Variants in ERCC4 observed in about 807,000 individuals in gnomAD.
ERCC4 encodes the protein ERCC excision repair 4, endonuclease catalytic subunit, also known as DNA repair endonuclease XPF.
ERCC4 carries 65 observed loss-of-function variants against 76.9 expected under a neutral mutation model. The observed-to-expected ratio is 0.84, with a 90% confidence interval of 0.69 to 1.04. The LOEUF is 1.04. ERCC4 is among the 50% of genes least tolerant of loss of function. The probability of loss-of-function intolerance (pLI) is 0.00; values close to 1 mark genes in which losing one functional copy is unlikely to be tolerated. For synonymous variants in ERCC4, 463 were observed against 410.1 expected, an observed-to-expected ratio of 1.13 and a Z score of -1.56; for missense variants, 1,214 against 1,128.2, an observed-to-expected ratio of 1.08 and a Z score of -1.09.
intron 9 of ERCC4, among the ~76,000 whole-genome samples, chr16:13,940,173 A>G (rs945745794): frequency 6.6e-6 from 1 of 152,076 alleles, no homozygotes; most frequent in Non-Finnish European, 1.5e-5. Flanking sequence ...GATCACTTGA[A>G]GTCAGGAGTT....
intron 6 of ERCC4, chr16:13,932,542 A>T (rs1487998723): frequency 1.2e-5 from 7 of 563,040 alleles, no homozygotes; most frequent in African/African-American, 1.1e-4. Flanking sequence ...ACAGATGTCA[A>T]ATATTGATCA....
chr16:13,949,318 C>G lies in ERCC4; in HGVS notation c.*971C>G, dbSNP rs2276466. 60,153 of 233,622 alleles carry G rather than the reference C, an allele frequency of 0.26. 8,117 individuals carry two copies. The highest frequency in any genetic ancestry group is 0.35 in the Middle Eastern group (275 of 788). 14.5% of individuals were successfully genotyped at this position (233,622 alleles called of 1,614,324 possible). ...ATATCCTAAGACACCAGCATCATATCCTCTAGAAATACAACCTAATTGGCA... is the reference window on the plus strand; with the variant it reads ...ATATCCTAAGACACCAGCATCATATGCTCTAGAAATACAACCTAATTGGCA... On this transcript the variant is annotated 3_prime_UTR_variant, in exon 11 of 11. Transcript: ENST00000311895.
At chr16:13,935,868 T>A (rs893417370) in intron 8 of ERCC4, 125 bp downstream of exon 8, 4 of 820,766 alleles carry the variant, frequency 4.9e-6, no homozygotes, top group Non-Finnish European at 8.3e-6. Flanking sequence ...TATGAAACCT[T>A]ATTTTGCTTC....
At chr16:13,939,099 A>G (rs779881116) in intron 9 of ERCC4, among the ~76,000 whole-genome samples, 1 of 152,170 alleles carries the variant, frequency 6.6e-6, no homozygotes, top group Non-Finnish European at 1.5e-5. Context: ...ATATGTGGGT[A>G]TATATATTTT....
At chr16:13,930,689 C>G (rs771119268) in intron 4 of ERCC4, 21 bp from the exon 5 acceptor site, 1 of 1,596,994 alleles carries the variant, frequency 6.3e-7, no homozygotes, top group South Asian at 1.1e-5. Context: ...TTAGCAATAC[C>G]AAATTTTATT....
Position 13,928,151 on chromosome 16 carries a change from T to C in ERCC4, c.708T>C (p.Cys236=). 1 of 1,613,538 alleles carries C rather than the reference T, an allele frequency of 6.2e-7. No individual in the cohort carries two copies. The highest frequency in any genetic ancestry group is 1.3e-5 in the African/African-American group (1 of 75,036). Reference sequence around the variant, plus strand: ...CTATACTGGACATTTTAAATGCATGTCTAAAGGAACTAAAATGCCATAACC... The same window carrying C: ...CTATACTGGACATTTTAAATGCATGCCTAAAGGAACTAAAATGCCATAACC... ...QTAILDILNA[C]LKELKCHNPS... Residue 236 remains cysteine (C), a synonymous_variant, in exon 4 of 11, where the codon TGT becomes TGC. Transcript: ENST00000311895.
rs2032483393 is a variant in ERCC4 at position 13,944,765 on chromosome 16, A to G, written c.1947A>G (p.Arg649=). 4 of 1,614,100 alleles carry G rather than the reference A, an allele frequency of 2.5e-6. No homozygotes were observed. The highest frequency in any genetic ancestry group is 3.4e-6 in the Non-Finnish European group (4 of 1,179,934). ...TTGTCCCTGAAGAAAGAGAAGGCAG[A>G]GATGAAACAAACTTAGACCTAGTAA... ...SMVVPEEREG[R]DETNLDLVRG... is the part of the protein sequence containing the mutation. The change falls in exon 10 of 11, where the codon AGA becomes AGG. Residue 649 remains arginine, a synonymous_variant. Transcript: ENST00000311895.
intron 6 of ERCC4, chr16:13,933,009 G>T: frequency 3.3e-6 from 1 of 305,836 alleles, no homozygotes. Context: ...TCACACTACT[G>T]CACTCCAGCC....
chr16:13,939,131 C>T (rs751476268), intron 9 of ERCC4, among the ~76,000 whole-genome samples: 2 of 152,152 alleles, frequency 1.3e-5, no homozygotes, highest in South Asian at 2.1e-4. Context: ...GTTCAGAAAT[C>T]GTGTTATAAC....
rs202186213 is a variant in ERCC4 at position 13,935,664 on chromosome 16, G to A, written c.1732G>A (p.Val578Met). ...RVLHEVEPRY[V>M]VLYDAELTFV... ...ACTACATGAAGTGGAGCCAAGATAC[G>A]TGGTTCTTTATGACGCAGAGCTAAC... The change falls in exon 8 of 11, where the codon GTG becomes ATG. Residue 578 changes from valine to methionine, a missense_variant. Transcript: ENST00000311895. The A allele has an allele frequency of 5.6e-6, 9 of 1,614,144 alleles. No homozygotes were observed. Among genetic ancestry groups the A allele is most frequent in the Non-Finnish European group, 7.6e-6 (9 of 1,180,016 alleles).
Position 13,949,526 on chromosome 16 carries a change from G to A in ERCC4, c.*1179G>A. The stretch of plus-strand genomic sequence containing the variant: ...AGGACTCAAATACAAGCCAATGAGT[G>A]GCCCACTAAGCTTTTAAGATTTGAT... On this transcript the variant is annotated 3_prime_UTR_variant, in exon 11 of 11. Transcript: ENST00000311895. 1 of 233,098 alleles carries A rather than the reference G, an allele frequency of 4.3e-6. No homozygotes were observed. The highest frequency in any genetic ancestry group is 6.0e-5 in the East Asian group (1 of 16,550). 14.4% of individuals were successfully genotyped at this position (233,098 alleles called of 1,614,324 possible).
chr16:13,923,696 A>G (rs748478470), intron 2 of ERCC4, among the ~76,000 whole-genome samples: 8 of 151,858 alleles, frequency 5.3e-5, no homozygotes, highest in Non-Finnish European at 8.8e-5. Context: ...ATAAGGATTA[A>G]GTTAATAAAA....
At chr16:13,943,278 C>T (rs3136197) in intron 9 of ERCC4, among the ~76,000 whole-genome samples, 18 of 152,208 alleles carry the variant, frequency 1.2e-4, no homozygotes, top group African/African-American at 3.6e-4. Context: ...TGAAGAAATA[C>T]CCCAGACTTG....
At chr16:13,939,422 T>G (rs2032370145) in intron 9 of ERCC4, among the ~76,000 whole-genome samples, 1 of 152,108 alleles carries the variant, frequency 6.6e-6, no homozygotes. Flanking sequence ...CACCGCTGGC[T>G]GCAAAGGTAA....
At chr16:13,942,519 A>C (rs2032432539) in intron 9 of ERCC4, among the ~76,000 whole-genome samples, 1 of 152,240 alleles carries the variant, frequency 6.6e-6, no homozygotes, top group African/African-American at 2.4e-5. Flanking sequence ...TAACATTTAT[A>C]TAGTGCTTAC....
chr16:13,926,860 C>A, intron 3 of ERCC4, 104 bp downstream of exon 3: 1 of 952,712 alleles, frequency 1.0e-6, no homozygotes, highest in African/African-American at 1.6e-5. Context: ...ATGTAAAATT[C>A]ATTGTAATTT....
intron 2 of ERCC4, among the ~76,000 whole-genome samples, chr16:13,924,335 G>A (rs1227904562): frequency 1.3e-5 from 2 of 152,164 alleles, no homozygotes; most frequent in Non-Finnish European, 2.9e-5. Flanking sequence ...GTTGTACCTT[G>A]AAAAGAACAG....
intron 10 of ERCC4, among the ~76,000 whole-genome samples, chr16:13,946,012 G>T (rs149026566): frequency 9.5e-4 from 145 of 152,300 alleles, no homozygotes; most frequent in African/African-American, 3.2e-3. Context: ...TATCGGCATG[G>T]CTGCATTCCT....
Position 13,951,372 on chromosome 16 carries a change from A to C in ERCC4, c.*3025A>C, listed in dbSNP as rs544513268. 5.0e-6 allele frequency: 1 copy of C among 198,160 alleles called. No individual in the cohort carries two copies. The highest frequency in any genetic ancestry group is 1.0e-5 in the Non-Finnish European group (1 of 95,804). The allele number at this position is 198,160 out of a possible 1,614,324, so 12.3% of individuals were successfully genotyped here. ...TTTTTCTATTTTACAAGTTTTTTGT[A>C]TAAAAAGGTGAACATATGAGATATT... On this transcript the variant is annotated 3_prime_UTR_variant, in exon 11 of 11. Transcript: ENST00000311895.
Sources: gnomAD v4.1 joint callset for allele counts (sites outside exome capture counted in the v4.1 genomes callset) on GRCh38, gnomAD v4.1.1 for gene constraint, MANE v1.5 for transcripts, NCBI Gene and HGNC (gene_info 2026-07-23, HGNC 2026-07-21) for gene names.